The following GFRA1 variants were observed in gnomAD, a reference collection of about 807,000 sequenced individuals.
GFRA1 encodes GDNF family receptor alpha-1.
GFRA1 carries 16 observed loss-of-function variants against 51.6 expected under a neutral mutation model. That is an observed-to-expected ratio of 0.31 (90% CI 0.21 to 0.47). The LOEUF (loss-of-function observed/expected upper bound fraction) is 0.47, where lower values mean the gene tolerates loss of function less well. Among genes scored for constraint, GFRA1 ranks in the 20% least tolerant of loss-of-function variants. The pLI, the probability that GFRA1 is intolerant of heterozygous loss-of-function variation, is 1.00. For synonymous variants in GFRA1, 270 were observed against 241.3 expected, an observed-to-expected ratio of 1.12 and a Z score of -1.10; for missense variants, 530 against 594.3, an observed-to-expected ratio of 0.89 and a Z score of 1.13.
chr10:116,151,064 T>C (rs1052353071), intron 5 of GFRA1, among the ~76,000 whole-genome samples: 2 of 152,162 alleles, frequency 1.3e-5, no homozygotes, highest in Middle Eastern at 3.4e-3. Context: ...GTCCTTCCCA[T>C]GAGCCACATC....
chr10:116,210,823 G>C (rs528933975), intron 5 of GFRA1, among the ~76,000 whole-genome samples: 29 of 152,280 alleles, frequency 1.9e-4, no homozygotes, highest in Non-Finnish European at 3.5e-4. Context: ...CACAGCAGAT[G>C]TGTGCTACCA....
chr10:116,266,478 G>A (rs1969666677), intron 4 of GFRA1, among the ~76,000 whole-genome samples: 1 of 152,184 alleles, frequency 6.6e-6, no homozygotes, highest in Admixed American at 6.5e-5. Context: ...AGCCTCTCAA[G>A]TCTCCATTTG....
chr10:116,200,745 T>C (rs1361902726), intron 5 of GFRA1, among the ~76,000 whole-genome samples: 4 of 152,204 alleles, frequency 2.6e-5, no homozygotes, highest in Non-Finnish European at 1.5e-5. Flanking sequence ...GCTAATCCCA[T>C]TCATGAGAGC....
intron 9 of GFRA1, among the ~76,000 whole-genome samples, chr10:116,080,826 G>A (rs1424181079): frequency 1.3e-5 from 2 of 152,152 alleles, no homozygotes; most frequent in Non-Finnish European, 2.9e-5. Context: ...TGGGGAGGAG[G>A]GCTGAAGACA....
At chr10:116,262,620 C>T (rs1036551057) in intron 4 of GFRA1, among the ~76,000 whole-genome samples, 2 of 152,102 alleles carry the variant, frequency 1.3e-5, no homozygotes, top group African/African-American at 2.4e-5. Flanking sequence ...GGTGGTAGGA[C>T]GCTGGGTGAT....
intron 5 of GFRA1, among the ~76,000 whole-genome samples, chr10:116,183,615 C>T (rs568208198): frequency 1.1e-3 from 164 of 152,236 alleles, no homozygotes; most frequent in Non-Finnish European, 2.0e-3. Flanking sequence ...GCTGGTTCTC[C>T]CTTTCCCCAG....
intron 2 of GFRA1, 74 bp from the exon 3 acceptor site, chr10:116,271,189 C>T: frequency 7.4e-7 from 1 of 1,350,724 alleles, no homozygotes; most frequent in Middle Eastern, 2.6e-4. Flanking sequence ...GGCGAGGGCG[C>T]GCGCCCGGGT....
chr10:116,111,217 G>A (rs940936185), intron 6 of GFRA1, among the ~76,000 whole-genome samples: 2 of 152,174 alleles, frequency 1.3e-5, no homozygotes, highest in Admixed American at 6.5e-5. Flanking sequence ...GCATTTTCAG[G>A]TATAACCCAG....
At chr10:116,270,762 GA>G in intron 3 of GFRA1, 59 bp downstream of exon 3, 1 of 1,450,726 alleles carries the variant, frequency 6.9e-7, no homozygotes, top group Non-Finnish European at 9.5e-7. Context: ...GCCCAGGGAC[GA>G]AAGGCCCGCC....
chr10:116,180,764 C>T (rs1010305112), intron 5 of GFRA1, among the ~76,000 whole-genome samples: 1 of 152,136 alleles, frequency 6.6e-6, no homozygotes, highest in African/African-American at 2.4e-5. Context: ...TTCATTTGGA[C>T]GTTCCATCCC....
At position 116,087,080 on chromosome 10, in the gene GFRA1, T is replaced by A. The variant is rs7909064; in HGVS notation, c.1197+2661A>T. On this transcript the variant is annotated intron_variant, in intron 9 of 10. Transcript: ENST00000355422. ...TTGTCCTTCTGTTTAGGAAGCAGAG[T>A]TCCTATCACTAACAGGAAAGGAAAG... Among the ~76,000 whole-genome samples the A allele has an allele frequency of 6.8e-3, 1,031 of 152,090 alleles. 16 individuals are homozygous for A. The highest frequency in any genetic ancestry group is 0.024 in the African/African-American group (991 of 41,486).
chr10:116,125,145 G>C, intron 6 of GFRA1, 76 bp downstream of exon 6: 1 of 1,272,580 alleles, frequency 7.9e-7, no homozygotes, highest in Non-Finnish European at 1.1e-6. Flanking sequence ...CACAGAAAAG[G>C]GAGCTTGGCA....
chr10:116,135,882 G>A (rs1425009817), intron 5 of GFRA1, among the ~76,000 whole-genome samples: 3 of 152,104 alleles, frequency 2.0e-5, no homozygotes, highest in Non-Finnish European at 4.4e-5. Flanking sequence ...TATGTGTTCA[G>A]GGCCTACCCA....
At chr10:116,070,141 T>A (rs1262061317) in intron 9 of GFRA1, among the ~76,000 whole-genome samples, 1 of 152,176 alleles carries the variant, frequency 6.6e-6, no homozygotes, top group Non-Finnish European at 1.5e-5. Flanking sequence ...AGCCAAATAG[T>A]CATAATTAAT....
chr10:116,089,645 T>A, intron 9 of GFRA1, 96 bp downstream of exon 9: 2 of 1,027,146 alleles, frequency 1.9e-6, no homozygotes, highest in Non-Finnish European at 3.1e-6. Flanking sequence ...GCATTCGTCA[T>A]CTCTCTCTGC....
chr10:116,097,400 T>C (rs1956645589), intron 6 of GFRA1, among the ~76,000 whole-genome samples: 1 of 152,092 alleles, frequency 6.6e-6, no homozygotes, highest in Admixed American at 6.5e-5. Flanking sequence ...GGGCCTGTGG[T>C]CAAGGCTGTG....
rs147661837 is a variant in GFRA1, at chr10:116,271,033, G to A, written c.123C>T (p.Ser41=). ...KASDQCLKEQ[S]CSTKYRTLRQ... is the part of the protein sequence containing the mutation. ...TTAGCGTGCGGTACTTGGTGCTGCA[G>A]CTCTGCTCCTTCAGGCACTGATCAC... The change falls in exon 3 of 11, where the codon AGC becomes AGT. Residue 41 remains serine (S), a synonymous_variant. Coordinates refer to ENST00000355422, the MANE Select transcript of GFRA1 (RefSeq NM_005264.8). The A allele has an allele frequency of 6.2e-6, 10 of 1,614,044 alleles. No homozygotes were observed. The African/African-American group carries it at 1.2e-4, about 19-fold the overall frequency.
chr10:116,109,924 G>C lies in GFRA1; in HGVS notation c.771-13160C>G, dbSNP rs1374179933. Among the ~76,000 whole-genome samples the C allele has an allele frequency of 3.3e-5, 5 of 152,246 alleles. No homozygotes were observed. The East Asian group carries it at 9.8e-4, about 30-fold the overall frequency. Reference sequence around the variant, plus strand: ...CCTGTATAAAACACAGACACTTCCAGTATCTCCTCCACAGGCAGGGGTGAG... The same window carrying C: ...CCTGTATAAAACACAGACACTTCCACTATCTCCTCCACAGGCAGGGGTGAG... On this transcript the variant is annotated intron_variant, in intron 6 of 10. Coordinates refer to ENST00000355422, the MANE Select transcript of GFRA1 (RefSeq NM_005264.8).
intron 9 of GFRA1, among the ~76,000 whole-genome samples, chr10:116,074,649 G>A (rs904925460): frequency 2.6e-5 from 4 of 152,162 alleles, no homozygotes; most frequent in African/African-American, 4.8e-5. Flanking sequence ...CCACCCTGGG[G>A]AAAACTCCCA....
Sources: gnomAD v4.1 joint callset for allele counts (sites outside exome capture counted in the v4.1 genomes callset) on GRCh38, gnomAD v4.1.1 for gene constraint, MANE v1.5 for transcripts, NCBI Gene and HGNC (gene_info 2026-07-23, HGNC 2026-07-21) for gene names.